Variants in FIRRM observed in about 807,000 individuals in gnomAD.
FIRRM encodes the protein FIGNL1-interacting regulator of recombination and mitosis.
the FIRRM span, among the ~76,000 whole-genome samples, chr1:169,807,234 T>A: frequency 6.6e-6 from 1 of 152,324 alleles, no homozygotes; most frequent in East Asian, 1.9e-4. Flanking sequence ...AGGATGCTTC[T>A]CTCTCCTATT....
chr1:169,841,694 T>G, the FIRRM span, among the ~76,000 whole-genome samples: 2 of 152,316 alleles, frequency 1.3e-5, no homozygotes, highest in South Asian at 4.1e-4. Flanking sequence ...TTTAAAATTT[T>G]AAAACAACAG....
chr1:169,805,435 G>A, the FIRRM span, among the ~76,000 whole-genome samples: 1 of 152,150 alleles, frequency 6.6e-6, no homozygotes, highest in Admixed American at 6.5e-5. Context: ...GTGTGAGCAG[G>A]TCGCTGTGTG....
At chr1:169,795,120 G>A in the FIRRM span, 2 of 1,535,912 alleles carry the variant, frequency 1.3e-6, no homozygotes, top group Non-Finnish European at 8.7e-7. Flanking sequence ...AGGAAGGTGC[G>A]GTCCCAGCTA....
the FIRRM span, chr1:169,842,630 T>C: frequency 6.9e-7 from 1 of 1,441,500 alleles, no homozygotes; most frequent in Non-Finnish European, 9.4e-7. Flanking sequence ...TAGAGTAAAA[T>C]GTATCTAATT....
At chr1:169,824,656 T>C in the FIRRM span, among the ~76,000 whole-genome samples, 2 of 152,252 alleles carry the variant, frequency 1.3e-5, no homozygotes, top group African/African-American at 2.4e-5. Context: ...TAGTCAATTA[T>C]AGTCCTTCTG....
At chr1:169,844,228 A>G in the FIRRM span, among the ~76,000 whole-genome samples, 133 of 152,366 alleles carry the variant, frequency 8.7e-4, no homozygotes, top group East Asian at 0.023. Context: ...TTTGGCCTCC[A>G]ACTTACATGG....
At chr1:169,841,985 G>A in the FIRRM span, among the ~76,000 whole-genome samples, 1 of 151,782 alleles carries the variant, frequency 6.6e-6, no homozygotes, top group Admixed American at 6.6e-5. Flanking sequence ...AGACCATCCT[G>A]GCCAACATGG....
the FIRRM span, among the ~76,000 whole-genome samples, chr1:169,813,703 A>G: frequency 6.6e-6 from 1 of 152,246 alleles, no homozygotes; most frequent in African/African-American, 2.4e-5. Context: ...GCGGTCTTAT[A>G]AAAAAGGAGA....
the FIRRM span, among the ~76,000 whole-genome samples, chr1:169,826,570 C>T: frequency 4.0e-5 from 6 of 151,568 alleles, no homozygotes; most frequent in Non-Finnish European, 8.8e-5. Flanking sequence ...ACCATGTTGG[C>T]AAGGCTGGTC....
chr1:169,823,747 ATATACG>A, the FIRRM span, among the ~76,000 whole-genome samples: 1 of 142,126 alleles, frequency 7.0e-6, no homozygotes, highest in Non-Finnish European at 1.6e-5. Context: ...ATATACACAA[ATATACG>A]TATACCTTTA....
At chr1:169,796,440 A>G in the FIRRM span, among the ~76,000 whole-genome samples, 1 of 152,210 alleles carries the variant, frequency 6.6e-6, no homozygotes, top group Non-Finnish European at 1.5e-5. Flanking sequence ...AAAAAGCCCA[A>G]ACTTCCTCTA....
At chr1:169,785,366 G>T in the FIRRM span, among the ~76,000 whole-genome samples, 1 of 152,226 alleles carries the variant, frequency 6.6e-6, no homozygotes, top group Non-Finnish European at 1.5e-5. Context: ...GCGTTAACCA[G>T]CTCAGTTTCT....
chr1:169,853,972 C>CA, the FIRRM span: 2 of 638,022 alleles, frequency 3.1e-6, no homozygotes, highest in Non-Finnish European at 5.3e-6. Context: ...AATAGCTTTT[C>CA]AAAAACCATA....
At chr1:169,837,044 A>G in the FIRRM span, 4 of 1,613,016 alleles carry the variant, frequency 2.5e-6, no homozygotes, top group Non-Finnish European at 3.4e-6. Flanking sequence ...TGAGGTCACC[A>G]CAGTAGGCAC....
chr1:169,837,084 G>T, the FIRRM span: 4 of 1,591,054 alleles, frequency 2.5e-6, no homozygotes, highest in South Asian at 4.7e-5. Context: ...CTGAGCAGGA[G>T]TCGTACTTTG....
chr1:169,804,203 A>G, the FIRRM span: 41 of 1,582,618 alleles, frequency 2.6e-5, no homozygotes, highest in African/African-American at 4.0e-5. Flanking sequence ...TGGACCCTTT[A>G]GTAGATGACA....
the FIRRM span, chr1:169,853,255 C>T: frequency 2.4e-6 from 1 of 417,324 alleles, no homozygotes; most frequent in Non-Finnish European, 4.2e-6. Flanking sequence ...AAATAAGCTG[C>T]CTAAGGAAAC....
the FIRRM span, chr1:169,842,317 A>G: frequency 8.6e-6 from 10 of 1,168,634 alleles, no homozygotes; most frequent in Non-Finnish European, 1.2e-5. Context: ...GACTTTATGA[A>G]GAGTTAAAAG....
the FIRRM span, chr1:169,804,233 G>A: frequency 1.8e-5 from 27 of 1,504,710 alleles, no homozygotes; most frequent in Admixed American, 2.2e-5. Flanking sequence ...TTTTGAATAT[G>A]GTAATAGGTG....
Sources: allele counts gnomAD v4.1 joint callset (sites outside exome capture counted in the v4.1 genomes callset), GRCh38; gene constraint gnomAD v4.1.1; transcripts MANE v1.5; gene names NCBI Gene and HGNC (gene_info 2026-07-23, HGNC 2026-07-21).